Variants in SPG11 observed in about 807,000 individuals in gnomAD.
The protein encoded by SPG11 is spatacsin.
In SPG11, 222 loss-of-function variants were observed where a neutral mutation model predicts 274.0. That is an observed-to-expected ratio of 0.81 (90% CI 0.73 to 0.91). The LOEUF is 0.91. Among genes scored for constraint, SPG11 ranks in the 40% least tolerant of loss-of-function variants. The pLI is 0.00. For synonymous variants in SPG11, 1,144 were observed against 1,039.7 expected (o/e 1.10, Z -1.93); for missense variants, 3,114 against 2,872.7 (o/e 1.08, Z -1.92).
intron 8 of SPG11, among the ~76,000 whole-genome samples, chr15:44,632,190 G>T (rs930835367): frequency 3.3e-5 from 5 of 152,076 alleles, no homozygotes; most frequent in African/African-American, 4.8e-5. Context: ...GACTGTTTGG[G>T]ATTATTGGCT....
Position 44,573,276 on chromosome 15 carries a change from C to T in SPG11, c.6205+271G>A, listed in dbSNP as rs188383179. ...CTGGGATTACAGGCGTGAGCCACCGCGCCCGGCCAGGACAGTTCTTTAGCT... is the reference window on the plus strand; with the variant it reads ...CTGGGATTACAGGCGTGAGCCACCGTGCCCGGCCAGGACAGTTCTTTAGCT... On this transcript the variant is annotated intron_variant, in intron 32 of 39. Coordinates refer to ENST00000261866, the MANE Select transcript of SPG11 (RefSeq NM_025137.4). 1.6e-3 allele frequency: 956 copies of T among 597,798 alleles called. 3 individuals carry two copies. The highest frequency in any genetic ancestry group is 2.1e-3 in the Non-Finnish European group (722 of 338,472). 37.0% of individuals were successfully genotyped at this position (597,798 alleles called of 1,614,324 possible).
rs1567151053 is a variant in SPG11 at position 44,598,622 on chromosome 15, G to A, written c.3892+9C>T. On this transcript the variant is annotated intron_variant, in intron 22 of 39. Coordinates refer to ENST00000261866, the MANE Select transcript of SPG11 (RefSeq NM_025137.4). ...CTAAACAAAGCAGGCCAGATAAAAG[G>A]TGCTGTACCTACAGACTCTCTGATA... 1.9e-6 allele frequency: 3 copies of A among 1,613,218 alleles called. No homozygotes were observed. The highest frequency in any genetic ancestry group is 2.2e-5 in the East Asian group (1 of 44,880).
rs1380778736 is a variant in SPG11, at chr15:44,608,436, T to C, written c.3453+8A>G. 1.4e-5 allele frequency: 22 copies of C among 1,613,738 alleles called. No individual in the cohort carries two copies. Among genetic ancestry groups the C allele is most frequent in the Middle Eastern group, 1.6e-4 (1 of 6,082 alleles). On this transcript the variant is annotated splice_region_variant and intron_variant, in intron 19 of 39. Coordinates refer to ENST00000261866, the MANE Select transcript of SPG11 (RefSeq NM_025137.4). ...TAGACCTAAATATTGGCCACCTAAA[T>C]ACTGTACCTGAATAAGGTGGTAGAT...
At chr15:44,563,697 A>G (rs1051720016) in intron 39 of SPG11, among the ~76,000 whole-genome samples, 4 of 152,040 alleles carry the variant, frequency 2.6e-5, no homozygotes, top group African/African-American at 4.8e-5. Context: ...GCTGGAGTAC[A>G]GTGGTTTTTC....
At chr15:44,570,173 C>T (rs1012319472) in intron 34 of SPG11, among the ~76,000 whole-genome samples, 6 of 152,120 alleles carry the variant, frequency 3.9e-5, no homozygotes, top group African/African-American at 1.2e-4. Context: ...ACTGAGTTGC[C>T]GACTTACTTC....
At chr15:44,572,930 TG>T in intron 32 of SPG11, 110 bp from the exon 33 acceptor site, 1 of 1,094,244 alleles carries the variant, frequency 9.1e-7, no homozygotes, top group Admixed American at 1.7e-5. Flanking sequence ...GCTCTCCGCT[TG>T]CTGAGCTTGA....
Position 44,620,373 on chromosome 15 carries a change from C to T in SPG11, c.2651G>A (p.Trp884Ter). 6.2e-7 allele frequency: 1 copy of T among 1,613,690 alleles called. No individual in the cohort carries two copies. The highest frequency in any genetic ancestry group is 8.5e-7 in the Non-Finnish European group (1 of 1,179,836). Reference protein sequence around the residue: ...EYKSYSPEALWRYLTARHDWL... With the variant: ...EYKSYSPEAL ...ATCATGGCGAGCTGTGAGGTATCTC[C>T]AGAGGGCTTCAGGGGAATATGATTT... The change falls in exon 15 of 40, where the codon TGG becomes TAG. Residue 884 changes from tryptophan to a stop codon, truncating the protein, a stop_gained. Transcript: ENST00000261866. LOFTEE classifies it high-confidence loss of function.
At chr15:44,570,398 A>G (rs1165406043) in intron 34 of SPG11, 127 bp downstream of exon 34, 5 of 1,197,310 alleles carry the variant, frequency 4.2e-6, no homozygotes, top group Admixed American at 2.3e-5. Flanking sequence ...CCAACTCTCA[A>G]GTAGGTAGTG....
chr15:44,572,505 A>G (rs776512029), intron 33 of SPG11, 178 bp downstream of exon 33: 9 of 639,374 alleles, frequency 1.4e-5, no homozygotes, highest in Admixed American at 1.4e-4. Context: ...GTACTCATCC[A>G]TAATTTCTAA....
At chr15:44,610,720 A>T in intron 18 of SPG11, 120 bp downstream of exon 18, 1 of 1,062,858 alleles carries the variant, frequency 9.4e-7, no homozygotes, top group Non-Finnish European at 1.4e-6. Flanking sequence ...TCTGCTCTTT[A>T]ATCTAATGAA....
chr15:44,574,628 A>G (rs2082495774), intron 31 of SPG11, among the ~76,000 whole-genome samples: 1 of 152,212 alleles, frequency 6.6e-6, no homozygotes, highest in Admixed American at 6.5e-5. Flanking sequence ...CTCATGGTCA[A>G]ATCATCATTT....
Position 44,651,516 on chromosome 15 carries a change from G to A in SPG11, c.1431C>T (p.Asp477=), listed in dbSNP as rs1282324823. 1 of 1,614,124 alleles carries A rather than the reference G, an allele frequency of 6.2e-7. No individual in the cohort carries two copies. The highest frequency in any genetic ancestry group is 8.5e-7 in the Non-Finnish European group (1 of 1,180,008). The stretch of plus-strand genomic sequence containing the variant: ...CTGTCAAAACAAAGCACAGCTGCTG[G>A]TCTCCACTACTGTCTACAGGAATAC... ...TKCIPVDSSG[D]QQLCFVLTEN... is the part of the protein sequence containing the mutation. Residue 477 remains aspartate (D), a synonymous_variant, in exon 6 of 40, where the codon GAC becomes GAT. Coordinates refer to ENST00000261866, the MANE Select transcript of SPG11 (RefSeq NM_025137.4).
At chr15:44,617,397 C>G (rs963309032) in intron 15 of SPG11, among the ~76,000 whole-genome samples, 1 of 152,220 alleles carries the variant, frequency 6.6e-6, no homozygotes, top group African/African-American at 2.4e-5. Flanking sequence ...TAATGTACAA[C>G]ACAAGGTAGG....
Position 44,596,221 on chromosome 15 carries a change from T to C in SPG11, c.4296A>G (p.Gln1432=), listed in dbSNP as rs777409749. ...QVCNKCPQEL[Q]GSKQEMTDLF... ...AATCGGTCATCTCTTGTTTGCTTCC[T>C]TGAAGTTCCTGGGGGCACTTATTGC... The change falls in exon 25 of 40, where the codon CAA becomes CAG. Residue 1432 remains glutamine, a synonymous_variant. Transcript: ENST00000261866. 8 of 1,614,054 alleles carry C rather than the reference T, an allele frequency of 5.0e-6. No homozygotes were observed. Among genetic ancestry groups the C allele is most frequent in the Non-Finnish European group, 5.9e-6 (7 of 1,180,026 alleles).
chr15:44,656,523 T>C (rs1317593589), intron 4 of SPG11, among the ~76,000 whole-genome samples: 1 of 152,114 alleles, frequency 6.6e-6, no homozygotes, highest in Non-Finnish European at 1.5e-5. Flanking sequence ...TCCAGTTAGG[T>C]CAGAGGACAG....
At chr15:44,652,093 A>G (rs758830597) in intron 5 of SPG11, 36 bp downstream of exon 5, 2 of 1,613,312 alleles carry the variant, frequency 1.2e-6, no homozygotes, top group African/African-American at 2.7e-5. Flanking sequence ...ATAAAAAATA[A>G]GAACAATAAA....
At chr15:44,614,314 C>T (rs1352372295) in intron 16 of SPG11, among the ~76,000 whole-genome samples, 4 of 152,100 alleles carry the variant, frequency 2.6e-5, no homozygotes, top group Non-Finnish European at 4.4e-5. Flanking sequence ...CAGCCTGGAC[C>T]TCCTAGGCTC....
chr15:44,662,423 C>T (rs984378371), intron 1 of SPG11, among the ~76,000 whole-genome samples: 1 of 152,048 alleles, frequency 6.6e-6, no homozygotes, highest in Admixed American at 6.6e-5. Context: ...GTAATCCCAA[C>T]ACTTTGGCAG....
intron 28 of SPG11, among the ~76,000 whole-genome samples, chr15:44,586,653 A>T (rs2082771837): frequency 6.6e-6 from 1 of 152,090 alleles, no homozygotes; most frequent in South Asian, 2.1e-4. Flanking sequence ...CAAAAAGAAA[A>T]AAAAAACTGT....
Sources: allele counts gnomAD v4.1 joint callset (sites outside exome capture counted in the v4.1 genomes callset), GRCh38; gene constraint gnomAD v4.1.1; transcripts MANE v1.5; gene names NCBI Gene and HGNC (gene_info 2026-07-23, HGNC 2026-07-21).